Variants in FAM13C observed in about 807,000 individuals in gnomAD.
FAM13C encodes protein FAM13C.
A neutral mutation model predicts 73.2 loss-of-function variants in FAM13C; 37 were observed. The ratio of observed to expected loss-of-function variants is 0.51; its 90% CI spans 0.39 to 0.67. FAM13C has a LOEUF of 0.67. FAM13C is among the 30% of genes least tolerant of loss of function. The pLI is 0.00. For missense variants in FAM13C, 589 were observed against 715.6 expected (o/e 0.82, Z 2.02); for synonymous variants, 246 against 260.9 (o/e 0.94, Z 0.55).
At chr10:59,362,601 G>A (rs1032045252), upstream of FAM13C, 10 of 1,488,890 alleles carry the variant, frequency 6.7e-6, no homozygotes, top group African/African-American at 9.9e-5. Context: ...GCACATGCTC[G>A]TAACGACACC....
chr10:59,318,102 C>T (rs748332189), intron 4 of FAM13C, among the ~76,000 whole-genome samples: 1 of 152,036 alleles, frequency 6.6e-6, no homozygotes, highest in Non-Finnish European at 1.5e-5. Flanking sequence ...GTCATTTTTA[C>T]ATCCTTGGGA....
In FAM13C at chr10:59,295,962, C is replaced by T. The variant is rs552857302; in HGVS notation, c.507+6839G>A. ...AAGTTGAATTGACTTTCAGTCACAC[C>T]GAAAGAATCACAGATACTTTTTAAA... is the stretch of plus-strand genomic sequence containing the variant. On this transcript the variant is annotated intron_variant, in intron 5 of 13. Transcript: ENST00000618804. 7.2e-5 allele frequency among the ~76,000 whole-genome samples: 11 copies of T among 152,224 alleles called. No homozygotes were observed. In the Middle Eastern group the frequency reaches 0.01, roughly 141 times the overall value.
At chr10:59,332,146 A>T (rs1298727841) in intron 3 of FAM13C, among the ~76,000 whole-genome samples, 1 of 152,162 alleles carries the variant, frequency 6.6e-6, no homozygotes, top group Non-Finnish European at 1.5e-5. Context: ...CTGATGGTAT[A>T]TTGTTAAATC....
intron 3 of FAM13C, among the ~76,000 whole-genome samples, chr10:59,350,416 G>A (rs1482522918): frequency 1.3e-5 from 2 of 152,174 alleles, no homozygotes; most frequent in Non-Finnish European, 2.9e-5. Flanking sequence ...TATGTCATAC[G>A]TGACTCCTGG....
At chr10:59,343,580 C>T (rs1853804720) in intron 3 of FAM13C, among the ~76,000 whole-genome samples, 1 of 152,190 alleles carries the variant, frequency 6.6e-6, no homozygotes, top group Admixed American at 6.5e-5. Flanking sequence ...AAAGCATTGA[C>T]CAGCTCTGGA....
At chr10:59,357,712 T>A (rs893709755) in intron 1 of FAM13C, among the ~76,000 whole-genome samples, 3 of 152,202 alleles carry the variant, frequency 2.0e-5, no homozygotes, top group African/African-American at 4.8e-5. Flanking sequence ...CCTATTTCTG[T>A]TTTTTATTCT....
At chr10:59,270,852 C>CA (rs1843646678) in intron 6 of FAM13C, among the ~76,000 whole-genome samples, 2 of 152,072 alleles carry the variant, frequency 1.3e-5, no homozygotes, top group Admixed American at 6.6e-5. Flanking sequence ...TCAGGCAAAA[C>CA]AAAAAACATA....
At chr10:59,324,918 TA>T (rs1290294199) in intron 3 of FAM13C, among the ~76,000 whole-genome samples, 1 of 151,052 alleles carries the variant, frequency 6.6e-6, no homozygotes, top group African/African-American at 2.5e-5. Flanking sequence ...AAACTAAAAC[TA>T]ATCTGGATTC....
intron 6 of FAM13C, chr10:59,282,580 G>A (rs1242071015): frequency 6.6e-6 from 1 of 152,146 alleles, no homozygotes; most frequent in African/African-American, 2.4e-5. Context: ...GACCTTTCAT[G>A]AAGAATGCTC....
intron 1 of FAM13C, chr10:59,360,922 G>C (rs1363673776): frequency 4.7e-5 from 32 of 674,904 alleles, no homozygotes; most frequent in Non-Finnish European, 6.9e-5. Context: ...TTTTGAACCT[G>C]CCGTGCCTGT....
At chr10:59,333,591 A>G (rs930723901) in intron 3 of FAM13C, among the ~76,000 whole-genome samples, 1 of 152,242 alleles carries the variant, frequency 6.6e-6, no homozygotes, top group South Asian at 2.1e-4. Context: ...TTGGGGGCTG[A>G]GAAGGCAAAC....
intron 3 of FAM13C, among the ~76,000 whole-genome samples, chr10:59,342,615 T>C (rs1296296410): frequency 6.6e-6 from 1 of 152,218 alleles, no homozygotes; most frequent in East Asian, 1.9e-4. Context: ...AAAACTATTC[T>C]TTGTTGTTTA....
intron 4 of FAM13C, among the ~76,000 whole-genome samples, chr10:59,307,244 T>A (rs1006453029): frequency 6.6e-6 from 1 of 151,928 alleles, no homozygotes; most frequent in African/African-American, 2.4e-5. Flanking sequence ...GGGGGTGAGA[T>A]AATTATGATG....
In FAM13C at chr10:59,247,261, C is replaced by A; in HGVS notation, c.*353G>T. On this transcript the variant is annotated 3_prime_UTR_variant, in exon 14 of 14. Coordinates refer to ENST00000618804, the MANE Select transcript of FAM13C (RefSeq NM_198215.4). The stretch of plus-strand genomic sequence containing the variant: ...GCTCTTTTCCATACATCAACATAAA[C>A]AGTCTTTGGATACTAAATAAACTTT... 5.3e-6 allele frequency: 1 copy of A among 190,054 alleles called. No individual in the cohort carries two copies. Among genetic ancestry groups the A allele is most frequent in the Non-Finnish European group, 1.1e-5 (1 of 94,184 alleles). The allele number at this position is 190,054 out of a possible 1,614,324, so 11.8% of individuals were successfully genotyped here. A position where few individuals can be genotyped will look rare whatever the true frequency, so the allele number is the denominator to read the frequency against.
At chr10:59,293,181 C>T (rs950065462) in intron 5 of FAM13C, among the ~76,000 whole-genome samples, 2 of 141,180 alleles carry the variant, frequency 1.4e-5, no homozygotes, top group African/African-American at 5.3e-5. Flanking sequence ...TCACGCCATT[C>T]TCCTGCCTCA....
intron 5 of FAM13C, among the ~76,000 whole-genome samples, chr10:59,290,540 C>T (rs1217016845): frequency 6.6e-6 from 1 of 152,178 alleles, no homozygotes; most frequent in East Asian, 1.9e-4. Context: ...GCTGATTCAC[C>T]TGCTCTCTGC....
intron 2 of FAM13C, among the ~76,000 whole-genome samples, chr10:59,354,708 G>GGA (rs1312631499): frequency 2.0e-5 from 3 of 151,930 alleles, no homozygotes; most frequent in African/African-American, 7.3e-5. Context: ...GAAAAAAAAA[G>GGA]GAGAGAGAGA....
rs114050971 is a variant in FAM13C at position 59,285,742 on chromosome 10, G to T, written c.508-2295C>A. Among the ~76,000 whole-genome samples, 475 of 152,302 alleles carry T rather than the reference G, an allele frequency of 3.1e-3. 4 individuals are homozygous for T. Among genetic ancestry groups the T allele is most frequent in the African/African-American group, 0.011 (449 of 41,560 alleles). On this transcript the variant is annotated intron_variant, in intron 5 of 13. Coordinates refer to ENST00000618804, the MANE Select transcript of FAM13C (RefSeq NM_198215.4). ...ATACATTGAAGCCCTAAGCCCCAAT[G>T]ATACTGTATTTGGAGACAGCCCCTT...
intron 3 of FAM13C, among the ~76,000 whole-genome samples, chr10:59,336,211 C>T (rs1852704684): frequency 6.6e-6 from 1 of 151,956 alleles, no homozygotes; most frequent in South Asian, 2.1e-4. Flanking sequence ...AATGCAGACT[C>T]TTCTGCATTC....
Sources: gnomAD v4.1 joint callset for allele counts (sites outside exome capture counted in the v4.1 genomes callset) on GRCh38, gnomAD v4.1.1 for gene constraint, MANE v1.5 for transcripts, NCBI Gene and HGNC (gene_info 2026-07-23, HGNC 2026-07-21) for gene names.